BACE2: variants seen among roughly 807,000 people sequenced by gnomAD.
BACE2 encodes the protein beta-secretase 2, also known as 56 kDa aspartic-like protease.
A neutral mutation model predicts 46.2 loss-of-function variants in BACE2; 17 were observed. That is an observed-to-expected ratio of 0.37 (90% CI 0.25 to 0.55). The LOEUF (loss-of-function observed/expected upper bound fraction) is 0.55. Ranked by LOEUF, BACE2 falls within the 20% of genes least tolerant of loss-of-function variation. BACE2 has a pLI of 0.82. For synonymous variants in BACE2, 277 were observed against 295.9 expected, an observed-to-expected ratio of 0.94 and a Z score of 0.66; for missense variants, 595 against 698.1, an observed-to-expected ratio of 0.85 and a Z score of 1.66.
At chr21:41,223,855 A>G (rs1313465322) in intron 1 of BACE2, among the ~76,000 whole-genome samples, 1 of 152,168 alleles carries the variant, frequency 6.6e-6, no homozygotes, top group Non-Finnish European at 1.5e-5. Flanking sequence ...GTTCGTCAAC[A>G]TGCGGATGGC....
At chr21:41,221,732 G>A (rs1986657507) in intron 1 of BACE2, among the ~76,000 whole-genome samples, 1 of 151,844 alleles carries the variant, frequency 6.6e-6, no homozygotes, top group Admixed American at 6.6e-5. Context: ...GGAGGCTGAG[G>A]CAGGAGAATG....
At chr21:41,243,566 T>G (rs182763933) in intron 5 of BACE2, 56 bp downstream of exon 5, 1 of 1,510,516 alleles carries the variant, frequency 6.6e-7, no homozygotes, top group African/African-American at 1.4e-5. Context: ...GTCCCTTAAA[T>G]ATGCCAGCTG....
intron 1 of BACE2, among the ~76,000 whole-genome samples, chr21:41,215,313 CCTT>C (rs1217913180): frequency 6.6e-6 from 1 of 152,168 alleles, no homozygotes; most frequent in Non-Finnish European, 1.5e-5. Flanking sequence ...AGTTCCACCT[CCTT>C]AGGTCTCTGG....
In BACE2 at chr21:41,199,838, G is replaced by A. The variant is rs1263820165; in HGVS notation, c.313-26428G>A. 3.9e-5 allele frequency among the ~76,000 whole-genome samples: 6 copies of A among 152,152 alleles called. 1 individual carries two copies. The highest frequency in any genetic ancestry group is 3.4e-3 in the Middle Eastern group (1 of 294). ...CGTTGTTGTAGGTCCCTTGTGCCCC[G>A]CTCACACCTCCAAAAATAGCCCTTC... On this transcript the variant is annotated intron_variant, in intron 1 of 8. Transcript: ENST00000330333.
At chr21:41,192,198 T>C (rs1985595862) in intron 1 of BACE2, among the ~76,000 whole-genome samples, 1 of 152,210 alleles carries the variant, frequency 6.6e-6, no homozygotes, top group South Asian at 2.1e-4. Flanking sequence ...TGCAGAACCA[T>C]CTGTGAACCA....
chr21:41,177,930 AGACCTGGCTCCAT>A (rs1457218950), intron 1 of BACE2: 12 of 152,234 alleles, frequency 7.9e-5, no homozygotes, highest in Non-Finnish European at 1.5e-4. Context: ...GGTGGCAAAC[AGACCTGGCTCCAT>A]GGATCTCAAC....
intron 1 of BACE2, among the ~76,000 whole-genome samples, chr21:41,218,572 G>A (rs1312033546): frequency 1.3e-5 from 2 of 152,054 alleles, no homozygotes; most frequent in African/African-American, 4.8e-5. Flanking sequence ...GGGAAATATG[G>A]GTATCAAAAA....
chr21:41,247,867 C>T (rs1351203059), intron 6 of BACE2, among the ~76,000 whole-genome samples: 2 of 152,216 alleles, frequency 1.3e-5, no homozygotes, highest in Admixed American at 6.5e-5. Context: ...CGTTGTGTGT[C>T]TGGCTTACCG....
chr21:41,226,690 G>T (rs947356749), intron 2 of BACE2, among the ~76,000 whole-genome samples: 1 of 152,236 alleles, frequency 6.6e-6, no homozygotes, highest in Non-Finnish European at 1.5e-5. Flanking sequence ...GTTCTGCAGT[G>T]GAGGTGGGCT....
At chr21:41,201,326 G>GT (rs1985961588) in intron 1 of BACE2, among the ~76,000 whole-genome samples, 1 of 152,212 alleles carries the variant, frequency 6.6e-6, no homozygotes, top group Admixed American at 6.5e-5. Flanking sequence ...AGTTGAGTTT[G>GT]TTTTTCACAA....
chr21:41,276,516 A>G lies in BACE2; in HGVS notation c.*892A>G, dbSNP rs2088491920. On this transcript the variant is annotated 3_prime_UTR_variant, in exon 9 of 9. Coordinates refer to ENST00000330333, the MANE Select transcript of BACE2 (RefSeq NM_012105.5). ...CTGTGCATCAACCAGGAAGAGTTCT[A>G]TCCCCAAGCTGGCCACTATCACATA... The G allele has an allele frequency of 6.6e-6, 1 of 152,258 alleles. No homozygotes were observed. The highest frequency in any genetic ancestry group is 1.5e-5 in the Non-Finnish European group (1 of 68,066). 9.4% of individuals were successfully genotyped at this position (152,258 alleles called of 1,614,324 possible). A position where few individuals can be genotyped will look rare whatever the true frequency, so the allele number is the denominator to read the frequency against.
chr21:41,235,878 G>GAATA (rs1568880115), intron 2 of BACE2, among the ~76,000 whole-genome samples: 1 of 152,252 alleles, frequency 6.6e-6, no homozygotes, highest in East Asian at 1.9e-4. Flanking sequence ...ATGAATGAAT[G>GAATA]AACAAATGAT....
rs367622696 is a variant in BACE2, at chr21:41,241,795, C to G, written c.619-24C>G. On this transcript the variant is annotated intron_variant, in intron 3 of 8. Transcript: ENST00000330333. ...CTACACTGTGAGTCCTAAGCGGGTG[C>G]CCCTCTCTGTCGCCCTCCCGCAGCC... The G allele has an allele frequency of 4.5e-5, 72 of 1,613,306 alleles. 1 individual carries two copies. Among genetic ancestry groups the G allele is most frequent in the Non-Finnish European group, 5.8e-5 (68 of 1,179,716 alleles).
At chr21:41,197,147 GAT>G (rs1985763095) in intron 1 of BACE2, among the ~76,000 whole-genome samples, 1 of 151,782 alleles carries the variant, frequency 6.6e-6, no homozygotes, top group Non-Finnish European at 1.5e-5. Flanking sequence ...TTTTTGTAGG[GAT>G]GGGGTCTCAC....
At chr21:41,188,807 C>G (rs948815500) in intron 1 of BACE2, among the ~76,000 whole-genome samples, 2 of 152,194 alleles carry the variant, frequency 1.3e-5, no homozygotes, top group Admixed American at 1.3e-4. Context: ...TTTAGCCTCT[C>G]CACAGGGTCC....
At chr21:41,217,766 G>A (rs9978357) in intron 1 of BACE2, among the ~76,000 whole-genome samples, 4 of 152,112 alleles carry the variant, frequency 2.6e-5, no homozygotes, top group African/African-American at 4.8e-5. Context: ...GAGCCAGCTC[G>A]GCAGGCAGCA....
intron 1 of BACE2, among the ~76,000 whole-genome samples, chr21:41,209,811 C>A (rs955788595): frequency 6.6e-6 from 1 of 152,096 alleles, no homozygotes; most frequent in Non-Finnish European, 1.5e-5. Context: ...GGGACCATGG[C>A]TAGGAAATGA....
intron 3 of BACE2, 115 bp downstream of exon 3, chr21:41,237,844 CG>C (rs1163096962): frequency 1.9e-5 from 15 of 787,806 alleles, no homozygotes; most frequent in Admixed American, 7.2e-5. Context: ...GTGAGAACCA[CG>C]TGGTGGAAAC....
chr21:41,212,685 T>C (rs758965255), intron 1 of BACE2, among the ~76,000 whole-genome samples: 4 of 152,136 alleles, frequency 2.6e-5, no homozygotes, highest in Non-Finnish European at 5.9e-5. Flanking sequence ...CAGCTGTTTA[T>C]TTTTGGTCAA....
Sources: allele counts gnomAD v4.1 joint callset (sites outside exome capture counted in the v4.1 genomes callset), GRCh38; gene constraint gnomAD v4.1.1; transcripts MANE v1.5; gene names NCBI Gene and HGNC (gene_info 2026-07-23, HGNC 2026-07-21).